The following PUDP variants were observed in gnomAD, a reference collection of about 807,000 sequenced individuals.
PUDP encodes pseudouridine 5'-phosphatase, also known as pseudouridine-5'-phosphatase.
PUDP carries 8 observed loss-of-function variants against 9.4 expected under a neutral mutation model. That is an observed-to-expected ratio of 0.85 (90% CI 0.50 to 1.53). PUDP has a LOEUF of 1.53. Among genes scored for constraint, PUDP ranks in the 40% most tolerant of loss-of-function variants. The pLI, the probability that PUDP is intolerant of heterozygous loss-of-function variation, is 0.00. For synonymous variants in PUDP, 99 were observed against 80.7 expected (o/e 1.23, Z -1.22); for missense variants, 188 against 189.7 (o/e 0.99, Z 0.05).
At chrX:6,964,400 C>T (rs1219743663) in intron 3 of PUDP, among the ~76,000 whole-genome samples, 1 of 112,351 alleles carries the variant, frequency 8.9e-6, no homozygotes, top group Non-Finnish European at 1.9e-5. Flanking sequence ...GAGATGGGCA[C>T]AGTGGCTCAT....
At chrX:7,037,574 C>T (rs1264743647) in intron 1 of PUDP, among the ~76,000 whole-genome samples, 1 of 112,039 alleles carries the variant, frequency 8.9e-6, no homozygotes, top group Non-Finnish European at 1.9e-5. Context: ...CTTGGAGTTC[C>T]CAAATACCTC....
At chrX:6,844,083 G>A (rs1481259869) in intron 3 of PUDP, among the ~76,000 whole-genome samples, 1 of 111,933 alleles carries the variant, frequency 8.9e-6, no homozygotes, top group Non-Finnish European at 1.9e-5. Flanking sequence ...CTTGGCTCAG[G>A]GATCCCTTCT....
At chrX:6,867,262 T>C (rs946796815) in intron 3 of PUDP, among the ~76,000 whole-genome samples, 4 of 112,259 alleles carry the variant, frequency 3.6e-5, no homozygotes, top group Non-Finnish European at 7.5e-5. Context: ...TGCTGTATCC[T>C]TGTTGTTTTA....
At chrX:6,824,291 G>A (rs959734096) in intron 3 of PUDP, among the ~76,000 whole-genome samples, 1 of 111,562 alleles carries the variant, frequency 9.0e-6, no homozygotes, top group African/African-American at 3.3e-5. Context: ...CACCATGATT[G>A]TAAGTTTCCT....
intron 3 of PUDP, among the ~76,000 whole-genome samples, chrX:6,929,559 T>C (rs1928157846): frequency 8.9e-6 from 1 of 112,243 alleles, no homozygotes; most frequent in African/African-American, 3.2e-5. Flanking sequence ...AGAGAATAGA[T>C]TGTAAATGTT....
At chrX:6,730,344 T>G (rs894505936) in intron 3 of PUDP, among the ~76,000 whole-genome samples, 1 of 112,424 alleles carries the variant, frequency 8.9e-6, no homozygotes, top group Non-Finnish European at 1.9e-5. Flanking sequence ...TCCTTGGAAA[T>G]AAGTCTCGAA....
rs1019281357 is a variant in PUDP at position 6,962,401 on chromosome X, G to A, written c.*247+14732C>T. On this transcript the variant is annotated intron_variant and NMD_transcript_variant, in intron 3 of 3. Transcript: ENST00000655425. ...TGTAGGTATTAATCCCTTATATTCT[G>A]TCTAGTTTTCAATCTTCCTTATAAA... Among the ~76,000 whole-genome samples the A allele has an allele frequency of 1.7e-4, 17 of 101,420 alleles. 1 individual carries two copies. The highest frequency in any genetic ancestry group is 1.9e-4 in the Non-Finnish European group (9 of 48,330). The allele number at this position is 101,420 out of a possible 115,157, so 88.1% of individuals were successfully genotyped here.
chrX:6,932,542 G>C (rs1157463748), intron 3 of PUDP, among the ~76,000 whole-genome samples: 5 of 111,454 alleles, frequency 4.5e-5, no homozygotes, highest in Admixed American at 3.8e-4. Context: ...CAGCGTGAGC[G>C]ACGCAGAAGA....
At chrX:7,076,778 G>A (rs866876675) in intron 3 of PUDP, among the ~76,000 whole-genome samples, 4 of 112,227 alleles carry the variant, frequency 3.6e-5, no homozygotes, top group Non-Finnish European at 7.5e-5. Context: ...AAAAACTGCA[G>A]CAACCAACGA....
chrX:7,135,031 A>C (rs1262693962), intron 1 of PUDP, among the ~76,000 whole-genome samples: 1 of 112,228 alleles, frequency 8.9e-6, no homozygotes, highest in African/African-American at 3.2e-5. Context: ...AGGGAATGGC[A>C]GGGATACAAC....
intron 1 of PUDP, among the ~76,000 whole-genome samples, chrX:7,142,959 A>AC (rs1314827660): frequency 9.0e-6 from 1 of 110,870 alleles, no homozygotes; most frequent in African/African-American, 3.3e-5. Flanking sequence ...CCAAAAGAGA[A>AC]TTTTTTTGTA....
chrX:6,787,518 G>A (rs1405817198), intron 3 of PUDP, among the ~76,000 whole-genome samples: 15 of 112,071 alleles, frequency 1.3e-4, no homozygotes, highest in Non-Finnish European at 3.8e-5. Context: ...TGCTTTCTGT[G>A]CTGTAGAATA....
intron 3 of PUDP, among the ~76,000 whole-genome samples, chrX:6,934,923 G>GA (rs1164303341): frequency 1.2e-5 from 1 of 82,077 alleles, no homozygotes; most frequent in African/African-American, 4.6e-5. Flanking sequence ...AATTCAACAA[G>GA]AAGAGCTAAC....
At chrX:6,762,223 G>A (rs1371439544) in intron 3 of PUDP, among the ~76,000 whole-genome samples, 4 of 111,516 alleles carry the variant, frequency 3.6e-5, no homozygotes, top group South Asian at 3.8e-4. Context: ...TACTTCCTGC[G>A]CCTCTGATGA....
intron 3 of PUDP, among the ~76,000 whole-genome samples, chrX:6,784,914 T>G (rs893249239): frequency 3.6e-5 from 4 of 112,079 alleles, no homozygotes; most frequent in Non-Finnish European, 7.5e-5. Context: ...ATAATGCACA[T>G]GCAAGGATGG....
chrX:6,914,235 C>T (rs1927894401), intron 3 of PUDP, among the ~76,000 whole-genome samples: 1 of 107,611 alleles, frequency 9.3e-6, no homozygotes. Flanking sequence ...ATCACAGTTA[C>T]ATAGACACAG....
At chrX:7,095,003 C>G (rs762028806) in intron 2 of PUDP, among the ~76,000 whole-genome samples, 1 of 111,902 alleles carries the variant, frequency 8.9e-6, no homozygotes, top group Admixed American at 9.4e-5. Context: ...CCACCAGAAA[C>G]GGAGCTGGAC....
intron 3 of PUDP, among the ~76,000 whole-genome samples, chrX:7,051,809 T>C (rs1395120961): frequency 8.9e-6 from 1 of 112,489 alleles, no homozygotes; most frequent in Non-Finnish European, 1.9e-5. Context: ...ATTCCTAGAA[T>C]GGCACACACT....
intron 1 of PUDP, among the ~76,000 whole-genome samples, chrX:6,982,773 T>A (rs1182873333): frequency 8.9e-6 from 1 of 112,339 alleles, no homozygotes; most frequent in African/African-American, 3.2e-5. Context: ...TAAGCCAAAT[T>A]TGTCCCAAAG....
Sources: allele counts gnomAD v4.1 joint callset (sites outside exome capture counted in the v4.1 genomes callset), GRCh38; gene constraint gnomAD v4.1.1; transcripts MANE v1.5; gene names NCBI Gene and HGNC (gene_info 2026-07-23, HGNC 2026-07-21).